The following CABCOCO1 variants were observed in gnomAD, a reference collection of about 807,000 sequenced individuals.
The protein encoded by CABCOCO1 is ciliary associated calcium binding coiled-coil 1.
CABCOCO1 carries 28 observed loss-of-function variants against 35.7 expected under a neutral mutation model. The observed-to-expected ratio is 0.78, with a 90% CI of 0.58 to 1.07. CABCOCO1 has a LOEUF of 1.07. Among genes scored for constraint, CABCOCO1 ranks in the 50% least tolerant of loss-of-function variants. The probability of loss-of-function intolerance (pLI) is 0.00; values close to 1 mark genes in which losing one functional copy is unlikely to be tolerated. For synonymous variants in CABCOCO1, 95 were observed against 100.1 expected (o/e 0.95, Z 0.30); for missense variants, 326 against 309.2 (o/e 1.05, Z -0.41).
chr10:61,745,283 A>T (rs1841631635), intron 5 of CABCOCO1, among the ~76,000 whole-genome samples: 1 of 152,160 alleles, frequency 6.6e-6, no homozygotes, highest in Non-Finnish European at 1.5e-5. Flanking sequence ...TCCAGAGCCA[A>T]GTTTATTTTG....
chr10:61,741,749 T>C (rs1345684355), intron 5 of CABCOCO1, among the ~76,000 whole-genome samples: 1 of 152,152 alleles, frequency 6.6e-6, no homozygotes, highest in African/African-American at 2.4e-5. Flanking sequence ...AAAAGTAGGG[T>C]TAAGTGTATT....
intron 2 of CABCOCO1, among the ~76,000 whole-genome samples, chr10:61,678,865 A>G (rs1226744806): frequency 6.6e-6 from 1 of 152,164 alleles, no homozygotes; most frequent in Non-Finnish European, 1.5e-5. Flanking sequence ...AATTAGTATG[A>G]TTAGCTTAGA....
chr10:61,736,295 T>A (rs2132060624), intron 5 of CABCOCO1, among the ~76,000 whole-genome samples: 1 of 152,316 alleles, frequency 6.6e-6, no homozygotes, highest in Non-Finnish European at 1.5e-5. Context: ...AAGTCTTCAA[T>A]TCATCTTGAG....
chr10:61,728,618 CA>C (rs1841220518), intron 5 of CABCOCO1, among the ~76,000 whole-genome samples: 5 of 152,098 alleles, frequency 3.3e-5, no homozygotes, highest in Admixed American at 3.3e-4. Context: ...CATATATAAG[CA>C]ATTTGTTTCA....
chr10:61,719,481 C>T (rs1365773895), intron 5 of CABCOCO1, among the ~76,000 whole-genome samples: 2 of 152,036 alleles, frequency 1.3e-5, no homozygotes, highest in African/African-American at 4.8e-5. Flanking sequence ...CCCCCACACC[C>T]TCCACACACA....
chr10:61,719,984 A>C (rs1840963274), intron 5 of CABCOCO1, among the ~76,000 whole-genome samples: 1 of 151,918 alleles, frequency 6.6e-6, no homozygotes, highest in Non-Finnish European at 1.5e-5. Flanking sequence ...GAGGGAATGG[A>C]CATAGAAACA....
chr10:61,707,404 A>T (rs1206352505), intron 5 of CABCOCO1, among the ~76,000 whole-genome samples: 1 of 152,128 alleles, frequency 6.6e-6, no homozygotes, highest in Non-Finnish European at 1.5e-5. Context: ...CAAAGAAAAG[A>T]AAGGATTCTG....
At chr10:61,708,832 T>C (rs1388991193) in intron 5 of CABCOCO1, among the ~76,000 whole-genome samples, 1 of 152,158 alleles carries the variant, frequency 6.6e-6, no homozygotes, top group Non-Finnish European at 1.5e-5. Flanking sequence ...ACCTACAAAA[T>C]AGGGCGTACT....
intron 5 of CABCOCO1, among the ~76,000 whole-genome samples, chr10:61,691,639 C>A (rs1840145015): frequency 6.6e-6 from 1 of 152,062 alleles, no homozygotes; most frequent in African/African-American, 2.4e-5. Flanking sequence ...ACTATCCCTC[C>A]CCTTGCCCCC....
At chr10:61,674,520 A>G (rs540474785) in intron 2 of CABCOCO1, among the ~76,000 whole-genome samples, 56 of 152,168 alleles carry the variant, frequency 3.7e-4, no homozygotes, top group Non-Finnish European at 6.5e-4. Flanking sequence ...AATATTTGCA[A>G]TCGGTCACTC....
Position 61,680,394 on chromosome 10 carries a change from A to T in CABCOCO1, c.165-749A>T, listed in dbSNP as rs572456400. 7.8e-3 allele frequency among the ~76,000 whole-genome samples: 1,061 copies of T among 135,720 alleles called. 11 individuals are homozygous for T. The highest frequency in any genetic ancestry group is 0.045 in the East Asian group (220 of 4,936). 89.0% of individuals were successfully genotyped at this position (135,720 alleles called of 152,430 possible). On this transcript the variant is annotated intron_variant, in intron 2 of 7. Coordinates refer to ENST00000648843, the MANE Select transcript of CABCOCO1 (RefSeq NM_001366906.2). ...TATACATATAACATATAATATATATATTTTTATATATAACATATATAATAT... is the reference window on the plus strand; with the variant it reads ...TATACATATAACATATAATATATATTTTTTTATATATAACATATATAATAT...
rs375409640 is a variant in CABCOCO1, at chr10:61,677,068, A to AATAATAATAAT, written c.165-4074_165-4073insTAATAATAATA. Among the ~76,000 whole-genome samples, 555 of 144,338 alleles carry AATAATAATAAT rather than the reference A, an allele frequency of 3.8e-3. 3 individuals are homozygous for AATAATAATAAT. Among genetic ancestry groups the AATAATAATAAT allele is most frequent in the East Asian group, 0.012 (59 of 4,808 alleles). The allele number at this position is 144,338 out of a possible 152,430, so 94.7% of individuals were successfully genotyped here. ...AAAAAGAGTGAGACTCTGTCTCAAA[A>AATAATAATAAT]AATAATAATAATAATAATAATAATA... On this transcript the variant is annotated intron_variant, in intron 2 of 7. Transcript: ENST00000648843.
At chr10:61,742,903 T>A (rs900205032) in intron 5 of CABCOCO1, among the ~76,000 whole-genome samples, 1 of 152,148 alleles carries the variant, frequency 6.6e-6, no homozygotes, top group Non-Finnish European at 1.5e-5. Flanking sequence ...GGAGGGGGAC[T>A]AAAAGGCACT....
chr10:61,698,489 A>G (rs1419385672), intron 5 of CABCOCO1, among the ~76,000 whole-genome samples: 3 of 152,172 alleles, frequency 2.0e-5, no homozygotes, highest in Admixed American at 6.6e-5. Context: ...AAAGAAAATC[A>G]TAAATATGCC....
chr10:61,695,714 T>C (rs1564538445), intron 5 of CABCOCO1, among the ~76,000 whole-genome samples: 1 of 151,986 alleles, frequency 6.6e-6, no homozygotes, highest in Non-Finnish European at 1.5e-5. Context: ...CAGAGGACCA[T>C]GAAGTAATTT....
At chr10:61,746,045 T>A (rs184576864) in intron 5 of CABCOCO1, among the ~76,000 whole-genome samples, 35 of 152,328 alleles carry the variant, frequency 2.3e-4, no homozygotes, top group Admixed American at 1.8e-3. Flanking sequence ...CAACATATAT[T>A]GGCTGAGTTA....
In CABCOCO1 at chr10:61,760,149, G is replaced by A. The variant is rs1841978723; in HGVS notation, c.643G>A (p.Glu215Lys). ...ISFDIYSTFIEPPTILDTEMK... is the reference protein window; with the variant it reads ...ISFDIYSTFIKPPTILDTEMK... ...ATTTGATATTTATTCAACATTCATA[G>A]AGCCCCCCACAATATTGGATACGGA... is the stretch of plus-strand genomic sequence containing the variant. The change falls in exon 6 of 8, where the codon GAG becomes AAG. Residue 215 changes from glutamate to lysine, a missense_variant. Physicochemically the swap from Glu to Lys is moderately conservative, Grantham distance 56 (BLOSUM62 1). Coordinates refer to ENST00000648843, the MANE Select transcript of CABCOCO1 (RefSeq NM_001366906.2). 2 of 1,611,860 alleles carry A rather than the reference G, an allele frequency of 1.2e-6. No homozygotes were observed.
intron 7 of CABCOCO1, 64 bp from the exon 8 acceptor site, chr10:61,765,875 C>T (rs1206895147): frequency 8.8e-6 from 13 of 1,471,754 alleles, no homozygotes; most frequent in Non-Finnish European, 1.2e-5. Context: ...GTCAAAACCA[C>T]AAAGACAATG....
At chr10:61,686,213 T>G in intron 4 of CABCOCO1, 28 bp downstream of exon 4, 2 of 1,492,326 alleles carry the variant, frequency 1.3e-6, no homozygotes, top group Non-Finnish European at 9.0e-7. Context: ...TAACATTTAT[T>G]TTTCATTTCA....
Sources: gnomAD v4.1 joint callset for allele counts (sites outside exome capture counted in the v4.1 genomes callset) on GRCh38, gnomAD v4.1.1 for gene constraint, MANE v1.5 for transcripts, NCBI Gene and HGNC (gene_info 2026-07-23, HGNC 2026-07-21) for gene names.